DOK5: variants seen among roughly 807,000 people sequenced by gnomAD.
The protein encoded by DOK5 is downstream of tyrosine kinase 5.
Under a neutral mutation model 43.3 loss-of-function variants are expected in DOK5, and 27 were observed. That is an observed-to-expected ratio of 0.62 (90% CI 0.46 to 0.86). DOK5 has a LOEUF of 0.86. Ranked by LOEUF, DOK5 falls within the 40% of genes least tolerant of loss-of-function variation. DOK5 has a pLI of 0.00. For missense variants in DOK5, 373 were observed against 392.9 expected (o/e 0.95, Z 0.43); for synonymous variants, 146 against 140.1 (o/e 1.04, Z -0.30).
chr20:54,480,801 T>G (rs376514803), intron 1 of DOK5, among the ~76,000 whole-genome samples: 2 of 152,118 alleles, frequency 1.3e-5, no homozygotes, highest in Non-Finnish European at 2.9e-5. Context: ...TTTCTCTGCT[T>G]GGAATATGCT....
rs541939493 is a variant in DOK5, at chr20:54,585,036, ATTACT to A, written c.175-3438_175-3434del. Among the ~76,000 whole-genome samples the A allele has an allele frequency of 4.2e-3, 642 of 152,272 alleles. 3 individuals are homozygous for A. The highest frequency in any genetic ancestry group is 0.015 in the African/African-American group (624 of 41,542). ...TCTGCAAAATTTAGTTATCATAAGT[ATTACT>A]TTACTTTATTACTAAATTACTAAAT... On this transcript the variant is annotated intron_variant, in intron 2 of 7. Coordinates refer to ENST00000262593, the MANE Select transcript of DOK5 (RefSeq NM_018431.5).
At chr20:54,486,035 A>G (rs748772410) in intron 1 of DOK5, among the ~76,000 whole-genome samples, 2 of 152,132 alleles carry the variant, frequency 1.3e-5, no homozygotes, top group Non-Finnish European at 2.9e-5. Flanking sequence ...CTTTTAGATA[A>G]GTGGTTTGCA....
At chr20:54,579,701 G>A (rs1229090592) in intron 2 of DOK5, among the ~76,000 whole-genome samples, 1 of 151,988 alleles carries the variant, frequency 6.6e-6, no homozygotes, top group South Asian at 2.1e-4. Flanking sequence ...TGTTTTCAAG[G>A]TTCATCCGTG....
intron 1 of DOK5, among the ~76,000 whole-genome samples, chr20:54,510,529 A>G (rs1206747781): frequency 6.6e-6 from 1 of 152,196 alleles, no homozygotes; most frequent in African/African-American, 2.4e-5. Flanking sequence ...TTACATAATA[A>G]TGACTAACTG....
intron 1 of DOK5, among the ~76,000 whole-genome samples, chr20:54,551,827 T>TTTTTG (rs1488946098): frequency 1.3e-5 from 2 of 152,138 alleles, no homozygotes; most frequent in African/African-American, 4.8e-5. Context: ...ATTTACAGGT[T>TTTTTG]TTTTGTTTTG....
intron 1 of DOK5, among the ~76,000 whole-genome samples, chr20:54,485,148 G>T (rs895253354): frequency 6.6e-6 from 1 of 152,118 alleles, no homozygotes; most frequent in Non-Finnish European, 1.5e-5. Flanking sequence ...TGATCAACAT[G>T]GTGAAACACT....
chr20:54,484,358 A>G (rs1981842162), intron 1 of DOK5, among the ~76,000 whole-genome samples: 1 of 151,768 alleles, frequency 6.6e-6, no homozygotes, highest in Non-Finnish European at 1.5e-5. Context: ...CAGCCTGGGG[A>G]AAAAGAGCAA....
At chr20:54,495,654 G>A (rs1372980830) in intron 1 of DOK5, among the ~76,000 whole-genome samples, 1 of 152,176 alleles carries the variant, frequency 6.6e-6, no homozygotes, top group Non-Finnish European at 1.5e-5. Context: ...ACTTTGGGAG[G>A]CCAAGGTGGG....
At chr20:54,494,299 T>G (rs1982306026) in intron 1 of DOK5, among the ~76,000 whole-genome samples, 1 of 152,272 alleles carries the variant, frequency 6.6e-6, no homozygotes, top group African/African-American at 2.4e-5. Flanking sequence ...AAACTGCAGT[T>G]GGATACCTTA....
chr20:54,607,286 C>T (rs1986501463), intron 5 of DOK5, among the ~76,000 whole-genome samples: 1 of 152,164 alleles, frequency 6.6e-6, no homozygotes, highest in Non-Finnish European at 1.5e-5. Flanking sequence ...CTGCTAGCTG[C>T]GCTACCTCTA....
intron 6 of DOK5, among the ~76,000 whole-genome samples, chr20:54,612,574 C>A (rs35338030): frequency 0.24 from 36,779 of 151,022 alleles, 5,549 homozygotes; most frequent in African/African-American, 0.41. Context: ...CAGAATAGAA[C>A]AAAAGGAGGG....
intron 6 of DOK5, among the ~76,000 whole-genome samples, chr20:54,622,779 C>T (rs2224269): frequency 0.3 from 46,061 of 151,696 alleles, 7,826 homozygotes; most frequent in African/African-American, 0.42. Flanking sequence ...ACCGTGTGGG[C>T]GGTGGTGAGT....
chr20:54,609,245 G>A (rs6068913), intron 5 of DOK5, among the ~76,000 whole-genome samples: 3,404 of 152,284 alleles, frequency 0.022, 50 homozygotes, highest in Non-Finnish European at 0.034. Context: ...CTTTAGATGG[G>A]AGCAAAATTC....
intron 1 of DOK5, among the ~76,000 whole-genome samples, chr20:54,481,574 A>G (rs771814815): frequency 4.0e-5 from 6 of 151,868 alleles, no homozygotes; most frequent in Non-Finnish European, 7.4e-5. Context: ...TGTATTGCCT[A>G]TGTACTGCCA....
At chr20:54,633,860 T>G (rs1215524796) in intron 6 of DOK5, among the ~76,000 whole-genome samples, 1 of 152,218 alleles carries the variant, frequency 6.6e-6, no homozygotes, top group East Asian at 1.9e-4. Flanking sequence ...AAAGACGGCA[T>G]ATGGTACTCA....
At chr20:54,587,233 G>A (rs1985834618) in intron 2 of DOK5, among the ~76,000 whole-genome samples, 1 of 152,148 alleles carries the variant, frequency 6.6e-6, no homozygotes, top group Non-Finnish European at 1.5e-5. Context: ...ATCGGTTTGG[G>A]CACTTTTTGA....
intron 5 of DOK5, among the ~76,000 whole-genome samples, chr20:54,603,894 C>T (rs907603227): frequency 2.0e-4 from 30 of 151,028 alleles, no homozygotes; most frequent in Non-Finnish European, 4.1e-4. Flanking sequence ...CTTGCTATAG[C>T]CTCAGGGGGA....
intron 1 of DOK5, among the ~76,000 whole-genome samples, chr20:54,490,610 G>T (rs1024815900): frequency 6.6e-6 from 1 of 151,914 alleles, no homozygotes; most frequent in African/African-American, 2.4e-5. Context: ...TTTTTGAGAC[G>T]GAGTCTTGCT....
intron 1 of DOK5, among the ~76,000 whole-genome samples, chr20:54,504,493 C>T (rs1256251320): frequency 6.6e-6 from 1 of 152,146 alleles, no homozygotes; most frequent in Non-Finnish European, 1.5e-5. Context: ...TGGAACTTCT[C>T]CTTGACTCAC....
Sources: gnomAD v4.1 joint callset for allele counts (sites outside exome capture counted in the v4.1 genomes callset) on GRCh38, gnomAD v4.1.1 for gene constraint, MANE v1.5 for transcripts, NCBI Gene and HGNC (gene_info 2026-07-23, HGNC 2026-07-21) for gene names.